Variants in IQCJ observed in about 807,000 individuals in gnomAD.
IQCJ encodes the protein IQ domain-containing protein J.
A neutral mutation model predicts 11.0 loss-of-function variants in IQCJ; 9 were observed. That is an observed-to-expected ratio of 0.82 (90% CI 0.49 to 1.43). IQCJ has a LOEUF of 1.43. Among genes scored for constraint, IQCJ ranks in the 40% most tolerant of loss-of-function variants. IQCJ has a pLI of 0.00. For missense variants in IQCJ, 146 were observed against 133.2 expected, an observed-to-expected ratio of 1.10 and a Z score of -0.47; for synonymous variants, 55 against 51.3, an observed-to-expected ratio of 1.07 and a Z score of -0.31.
At chr3:159,218,908 TTCAC>T (rs1725385130) in intron 1 of IQCJ, among the ~76,000 whole-genome samples, 1 of 152,072 alleles carries the variant, frequency 6.6e-6, no homozygotes, top group African/African-American at 2.4e-5. Flanking sequence ...AGAGAATCAA[TTCAC>T]TCGTTTACCC....
At chr3:159,253,948 G>A (rs1193787782) in intron 3 of IQCJ, among the ~76,000 whole-genome samples, 4 of 152,224 alleles carry the variant, frequency 2.6e-5, no homozygotes, top group Non-Finnish European at 5.9e-5. Flanking sequence ...GCCTCTGCAT[G>A]AGCATAGAAG....
chr3:159,150,982 T>C (rs1721182039), intron 1 of IQCJ, among the ~76,000 whole-genome samples: 2 of 152,150 alleles, frequency 1.3e-5, no homozygotes, highest in South Asian at 4.1e-4. Flanking sequence ...CTGTCAGGCC[T>C]TTTCAGGTGG....
rs1206910456 is a variant in IQCJ at position 159,121,138 on chromosome 3, CT to C, written c.9+51711del. 5.2e-3 allele frequency among the ~76,000 whole-genome samples: 639 copies of C among 123,472 alleles called. 5 individuals are homozygous for C. The highest frequency in any genetic ancestry group is 0.012 in the African/African-American group (399 of 32,932). The allele number at this position is 123,472 out of a possible 152,430, so 81.0% of individuals were successfully genotyped here. The stretch of plus-strand genomic sequence containing the variant: ...TTTAAGCTGGGCATTTTTCTTTTTT[CT>C]TTTTTTTTTTTTTAATTAGGGTCTT... On this transcript the variant is annotated intron_variant, in intron 1 of 3. Coordinates refer to ENST00000397832, the MANE Select transcript of IQCJ (RefSeq NM_001042706.3).
intron 1 of IQCJ, among the ~76,000 whole-genome samples, chr3:159,081,614 A>G (rs1177020144): frequency 6.6e-6 from 1 of 152,104 alleles, no homozygotes; most frequent in African/African-American, 2.4e-5. Context: ...AGTGTGGTTG[A>G]CCAAATCCTT....
intron 1 of IQCJ, among the ~76,000 whole-genome samples, chr3:159,197,195 C>T (rs781256666): frequency 1.3e-5 from 2 of 152,152 alleles, no homozygotes; most frequent in Admixed American, 6.5e-5. Context: ...TAGAGTCTGA[C>T]TAAAGTGAGG....
At chr3:159,112,541 C>A (rs748254671) in intron 1 of IQCJ, among the ~76,000 whole-genome samples, 8 of 152,108 alleles carry the variant, frequency 5.3e-5, no homozygotes, top group African/African-American at 7.3e-5. Flanking sequence ...ATATCTCTGA[C>A]AAAGGCTGCT....
At chr3:159,077,844 C>A (rs938245773) in intron 1 of IQCJ, among the ~76,000 whole-genome samples, 4 of 151,966 alleles carry the variant, frequency 2.6e-5, no homozygotes, top group African/African-American at 4.8e-5. Context: ...TAAAAAATTC[C>A]TTTGTTCCCT....
At chr3:159,237,683 G>C (rs1726673004) in intron 1 of IQCJ, among the ~76,000 whole-genome samples, 1 of 152,164 alleles carries the variant, frequency 6.6e-6, no homozygotes, top group Non-Finnish European at 1.5e-5. Context: ...TTTGCAGAGA[G>C]GTCTAGCCTA....
At chr3:159,110,716 T>G (rs1283567110) in intron 1 of IQCJ, among the ~76,000 whole-genome samples, 1 of 152,150 alleles carries the variant, frequency 6.6e-6, no homozygotes, top group Non-Finnish European at 1.5e-5. Context: ...CCATGGATGA[T>G]TACTCAATTG....
At chr3:159,233,038 A>C (rs1252753553) in intron 1 of IQCJ, among the ~76,000 whole-genome samples, 2 of 152,170 alleles carry the variant, frequency 1.3e-5, no homozygotes, top group Non-Finnish European at 2.9e-5. Context: ...GCGCTATTTA[A>C]TGATAATATA....
intron 1 of IQCJ, among the ~76,000 whole-genome samples, chr3:159,140,600 G>A (rs2093152660): frequency 6.6e-6 from 1 of 152,220 alleles, no homozygotes; most frequent in Non-Finnish European, 1.5e-5. Flanking sequence ...AAGACAGAGT[G>A]TGACACAGAG....
intron 1 of IQCJ, among the ~76,000 whole-genome samples, chr3:159,081,245 C>A (rs1332638474): frequency 6.6e-5 from 10 of 152,160 alleles, no homozygotes; most frequent in Admixed American, 5.2e-4. Context: ...CCTCCTCACA[C>A]ATCCGTTTTC....
intron 1 of IQCJ, among the ~76,000 whole-genome samples, chr3:159,161,423 G>T (rs1721849464): frequency 6.6e-6 from 1 of 152,086 alleles, no homozygotes; most frequent in African/African-American, 2.4e-5. Context: ...GTAGATTCTG[G>T]ATATTAGCCC....
intron 1 of IQCJ, among the ~76,000 whole-genome samples, chr3:159,103,174 A>AT (rs529477980): frequency 6.1e-4 from 93 of 152,318 alleles, no homozygotes; most frequent in Non-Finnish European, 1.0e-3. Context: ...TCACCTGAAG[A>AT]TTTTTTACAA....
chr3:159,109,527 T>TAAAAAAAAA lies in IQCJ; in HGVS notation c.9+40097_9+40105dup, dbSNP rs3051445. On this transcript the variant is annotated intron_variant, in intron 1 of 3. Coordinates refer to ENST00000397832, the MANE Select transcript of IQCJ (RefSeq NM_001042706.3). ...GTAGAGTAGCCTTACTTGTATTAACTAAAAAAAAAAAAAAAAAAACCAGTT... is the reference window on the plus strand; with the variant it reads ...GTAGAGTAGCCTTACTTGTATTAACTAAAAAAAAAAAAAAAAAAAAAAAAAAAACCAGTT... Among the ~76,000 whole-genome samples, 5 of 122,668 alleles carry TAAAAAAAAA rather than the reference T, an allele frequency of 4.1e-5. 1 individual carries two copies. Among genetic ancestry groups the TAAAAAAAAA allele is most frequent in the Admixed American group, 9.3e-5 (1 of 10,768 alleles). 80.5% of individuals were successfully genotyped at this position (122,668 alleles called of 152,430 possible).
intron 1 of IQCJ, among the ~76,000 whole-genome samples, chr3:159,176,808 T>TG (rs1243118668): frequency 6.6e-6 from 1 of 152,168 alleles, no homozygotes; most frequent in Non-Finnish European, 1.5e-5. Context: ...CACATGTAGC[T>TG]GGGGGAGGGT....
At chr3:159,234,149 G>A (rs1426574429) in intron 1 of IQCJ, among the ~76,000 whole-genome samples, 2 of 152,070 alleles carry the variant, frequency 1.3e-5, no homozygotes, top group African/African-American at 4.8e-5. Flanking sequence ...TAAGACCTTG[G>A]ACAAGTTACT....
intron 1 of IQCJ, among the ~76,000 whole-genome samples, chr3:159,138,904 T>C (rs1005755335): frequency 8.5e-5 from 13 of 152,232 alleles, no homozygotes; most frequent in Non-Finnish European, 1.8e-4. Context: ...CATAAAGTAG[T>C]GATTGACTTT....
At chr3:159,162,996 A>G (rs1362236928) in intron 1 of IQCJ, among the ~76,000 whole-genome samples, 1 of 152,230 alleles carries the variant, frequency 6.6e-6, no homozygotes, top group Non-Finnish European at 1.5e-5. Context: ...CCAGAGGTAC[A>G]AGGAGGAACT....
Sources: allele counts gnomAD v4.1 joint callset (sites outside exome capture counted in the v4.1 genomes callset), GRCh38; gene constraint gnomAD v4.1.1; transcripts MANE v1.5; gene names NCBI Gene and HGNC (gene_info 2026-07-23, HGNC 2026-07-21).